TVP23C: variants seen among roughly 807,000 people sequenced by gnomAD.
TVP23C encodes the protein Golgi apparatus membrane protein TVP23 homolog C.
TVP23C carries 19 observed loss-of-function variants against 28.7 expected under a neutral mutation model. That is an observed-to-expected ratio of 0.66 (90% CI 0.46 to 0.97). TVP23C has a LOEUF of 0.97. Among genes scored for constraint, TVP23C ranks in the 50% least tolerant of loss-of-function variants. TVP23C has a pLI of 0.00. For synonymous variants in TVP23C, 68 were observed against 81.7 expected (o/e 0.83, Z 0.90); for missense variants, 186 against 241.3 (o/e 0.77, Z 1.52).
rs1984072043 is a variant in TVP23C at position 15,555,151 on chromosome 17, T to C, written c.95+131A>G. 15 of 1,259,330 alleles carry C rather than the reference T, an allele frequency of 1.2e-5. No individual in the cohort carries two copies. The Admixed American group carries it at 3.5e-4, about 29-fold the overall frequency. The allele number at this position is 1,259,330 out of a possible 1,614,324, so 78.0% of individuals were successfully genotyped here. On this transcript the variant is annotated intron_variant, in intron 2 of 5. Transcript: ENST00000518321. ...AATGTCATCTTTGTCTTACACTAAA[T>C]GTTAAATTAGCAACATGCAGTATTC...
chr17:15,502,707 C>G, exon 6 of TVP23C: 18 of 1,187,068 alleles, frequency 1.5e-5, no homozygotes, highest in East Asian at 5.7e-5. Flanking sequence ...TTCGTTCGTT[C>G]TTTCTCTCTC....
At chr17:15,556,245 C>T (rs1456761895) in intron 1 of TVP23C, among the ~76,000 whole-genome samples, 1 of 151,924 alleles carries the variant, frequency 6.6e-6, no homozygotes, top group Non-Finnish European at 1.5e-5. Flanking sequence ...TCAGCATATG[C>T]ATATAAACTT....
At position 15,538,880 on chromosome 17, in the gene TVP23C, A is replaced by C. The variant is rs72819828; in HGVS notation, c.*1532T>G. The C allele has an allele frequency of 0.075, 74,389 of 985,720 alleles. 3,067 individuals are homozygous for C. Among genetic ancestry groups the C allele is most frequent in the African/African-American group, 0.13 (7,497 of 57,312 alleles). 61.1% of individuals were successfully genotyped at this position (985,720 alleles called of 1,614,324 possible). A position where few individuals can be genotyped will look rare whatever the true frequency, so the allele number is the denominator to read the frequency against. ...AAAGGTATATTGGAGCCATGCAAAA[A>C]TCCTTCAGAATGAGATGATCATGTC... On this transcript the variant is annotated 3_prime_UTR_variant, in exon 6 of 6. Transcript: ENST00000518321.
Position 15,540,380 on chromosome 17 carries a change from T to C in TVP23C, c.*32A>G. Reference sequence around the variant, plus strand: ...GGAGCGTTTCATAAAAATTAAACTATGAAAGTTAGAAATAATTGCATTAGT... The same window carrying C: ...GGAGCGTTTCATAAAAATTAAACTACGAAAGTTAGAAATAATTGCATTAGT... On this transcript the variant is annotated 3_prime_UTR_variant, in exon 6 of 6. Transcript: ENST00000518321. The C allele has an allele frequency of 2.6e-6, 4 of 1,551,242 alleles. No individual in the cohort carries two copies. The highest frequency in any genetic ancestry group is 3.5e-6 in the Non-Finnish European group (4 of 1,143,106).
At chr17:15,514,686 T>C (rs1982146812) in intron 5 of TVP23C, among the ~76,000 whole-genome samples, 1 of 152,156 alleles carries the variant, frequency 6.6e-6, no homozygotes, top group Non-Finnish European at 1.5e-5. Context: ...ATGTAAACGA[T>C]TGGGGTCAAA....
chr17:15,559,499 T>C lies in TVP23C; in HGVS notation c.12+3938A>G, dbSNP rs557866895. ...AAAAAAGCATTGAAAGGGAGATCCA[T>C]TGGAGTGTTTTAAGTGTAAGACTGC... On this transcript the variant is annotated intron_variant, in intron 1 of 5. Transcript: ENST00000518321. Among the ~76,000 whole-genome samples, 41 of 148,386 alleles carry C rather than the reference T, an allele frequency of 2.8e-4. 1 individual carries two copies. The South Asian group carries it at 7.9e-3, about 29-fold the overall frequency.
intron 5 of TVP23C, among the ~76,000 whole-genome samples, chr17:15,527,316 A>C (rs1292114144): frequency 1.3e-5 from 2 of 152,146 alleles, no homozygotes; most frequent in Non-Finnish European, 2.9e-5. Context: ...ATTTTGTTTA[A>C]AGTTTTACTT....
At chr17:15,556,029 G>T (rs1007754186) in intron 1 of TVP23C, among the ~76,000 whole-genome samples, 14 of 152,158 alleles carry the variant, frequency 9.2e-5, no homozygotes, top group African/African-American at 3.4e-4. Context: ...CGATTCTCCT[G>T]CTTCAGCCTT....
In TVP23C at chr17:15,537,925, A is replaced by T. The variant is rs1238407314; in HGVS notation, c.*2487T>A. ...AAATCTTAACAATGTTTCTAGTGCCAACATATACTTTCTAGCCCCAACTGC... is the reference window on the plus strand; with the variant it reads ...AAATCTTAACAATGTTTCTAGTGCCTACATATACTTTCTAGCCCCAACTGC... On this transcript the variant is annotated 3_prime_UTR_variant, in exon 6 of 6. Transcript: ENST00000518321. 1 of 1,442,232 alleles carries T rather than the reference A, an allele frequency of 6.9e-7. No homozygotes were observed. The highest frequency in any genetic ancestry group is 9.1e-7 in the Non-Finnish European group (1 of 1,099,838). 89.3% of individuals were successfully genotyped at this position (1,442,232 alleles called of 1,614,324 possible). A position where few individuals can be genotyped will look rare whatever the true frequency, so the allele number is the denominator to read the frequency against.
chr17:15,523,613 A>AC (rs1982581313), intron 5 of TVP23C, among the ~76,000 whole-genome samples: 1 of 136,514 alleles, frequency 7.3e-6, no homozygotes, highest in Admixed American at 7.5e-5. Context: ...TGGCTGGAAG[A>AC]TTTTTTTTTT....
intron 1 of TVP23C, among the ~76,000 whole-genome samples, chr17:15,558,699 G>C (rs1222179380): frequency 1.3e-5 from 2 of 148,436 alleles, no homozygotes; most frequent in Non-Finnish European, 3.0e-5. Flanking sequence ...AGCTGAATCA[G>C]GCAAGGAAAC....
rs552160389 is a variant in TVP23C at position 15,539,333 on chromosome 17, C to T, written c.*1079G>A. 5.0e-5 allele frequency: 49 copies of T among 984,404 alleles called. No homozygotes were observed. Among genetic ancestry groups the T allele is most frequent in the Admixed American group, 6.1e-5 (1 of 16,262 alleles). The allele number at this position is 984,404 out of a possible 1,614,324, so 61.0% of individuals were successfully genotyped here. A position where few individuals can be genotyped will look rare whatever the true frequency, so the allele number is the denominator to read the frequency against. The stretch of plus-strand genomic sequence containing the variant: ...ATATAAAGACCTAGTCACGGCCAGG[C>T]GCCGTGGCTCACGCCTGTAATCCCA... On this transcript the variant is annotated 3_prime_UTR_variant, in exon 6 of 6. Transcript: ENST00000518321.
chr17:15,546,832 A>G (rs558081187), intron 4 of TVP23C, among the ~76,000 whole-genome samples: 1 of 151,950 alleles, frequency 6.6e-6, no homozygotes, highest in Non-Finnish European at 1.5e-5. Flanking sequence ...GTATGAACTC[A>G]GACCCAGTGT....
chr17:15,503,052 A>G, exon 6 of TVP23C: 1 of 1,613,968 alleles, frequency 6.2e-7, no homozygotes, highest in Non-Finnish European at 8.5e-7. Context: ...GCAGGTTTCC[A>G]GTAAAGAGCT....
chr17:15,543,696 T>C (rs1164735193), intron 5 of TVP23C, among the ~76,000 whole-genome samples: 6 of 150,702 alleles, frequency 4.0e-5, no homozygotes, highest in African/African-American at 1.5e-4. Context: ...TTTTACTGTT[T>C]ATCTACCTTC....
intron 3 of TVP23C, among the ~76,000 whole-genome samples, chr17:15,551,567 G>C (rs1983890483): frequency 6.6e-6 from 1 of 151,776 alleles, no homozygotes; most frequent in East Asian, 1.9e-4. Context: ...CATCACCTAG[G>C]GCAAGCCTAT....
chr17:15,529,802 G>C (rs1982878380), intron 5 of TVP23C, among the ~76,000 whole-genome samples: 1 of 151,978 alleles, frequency 6.6e-6, no homozygotes, highest in South Asian at 2.1e-4. Context: ...TCTGTTTTTT[G>C]TTTTTTGGGT....
chr17:15,506,865 C>T (rs1344516178), intron 5 of TVP23C: 7 of 708,224 alleles, frequency 9.9e-6, no homozygotes, highest in Admixed American at 5.6e-5. Context: ...CACTATCAGC[C>T]GTGGTCAACC....
intron 5 of TVP23C, among the ~76,000 whole-genome samples, chr17:15,530,308 T>G (rs1257366247): frequency 1.3e-5 from 2 of 152,338 alleles, no homozygotes; most frequent in East Asian, 3.9e-4. Context: ...TTGTATTTTT[T>G]GAGTTTTTTT....
Sources: gnomAD v4.1 joint callset for allele counts (sites outside exome capture counted in the v4.1 genomes callset) on GRCh38, gnomAD v4.1.1 for gene constraint, MANE v1.5 for transcripts, NCBI Gene and HGNC (gene_info 2026-07-23, HGNC 2026-07-21) for gene names.